EPG5: variants seen among roughly 807,000 people sequenced by gnomAD.
EPG5 encodes ectopic P granules protein 5 homolog.
A neutral mutation model predicts 302.7 loss-of-function variants in EPG5; 159 were observed. The ratio of observed to expected loss-of-function variants is 0.53; its 90% CI spans 0.46 to 0.60. EPG5 has a LOEUF of 0.60. Ranked by LOEUF, EPG5 falls within the 20% of genes least tolerant of loss-of-function variation. The pLI, the probability that EPG5 is intolerant of heterozygous loss-of-function variation, is 0.00. For synonymous variants in EPG5, 1,158 were observed against 1,136.8 expected (o/e 1.02, Z -0.37); for missense variants, 2,896 against 3,092.4 (o/e 0.94, Z 1.51).
In EPG5 at chr18:45,901,157, C is replaced by T. The variant is rs768286664; in HGVS notation, c.4485G>A (p.Arg1495=). The T allele has an allele frequency of 1.2e-6, 2 of 1,613,954 alleles. No individual in the cohort carries two copies. Among genetic ancestry groups the T allele is most frequent in the Non-Finnish European group, 8.5e-7 (1 of 1,179,972 alleles). ...DFTDPLLAKE[R]VLSNLRKHEA... Reference sequence around the variant, plus strand: ...CATGCTTCCGCAAGTTACTTAAAACCCTTTCTTTAGCTGAAAGAAAATTAA... The same window carrying T: ...CATGCTTCCGCAAGTTACTTAAAACTCTTTCTTTAGCTGAAAGAAAATTAA... The change falls in exon 26 of 44, where the codon AGG becomes AGA. Residue 1495 remains arginine, a synonymous_variant. Coordinates refer to ENST00000282041, the MANE Select transcript of EPG5 (RefSeq NM_020964.3).
intron 13 of EPG5, 93 bp downstream of exon 13, chr18:45,928,776 A>C: frequency 8.0e-7 from 1 of 1,255,870 alleles, no homozygotes; most frequent in South Asian, 1.4e-5. Context: ...ACCCCTAGTG[A>C]CAAGATCATT....
At chr18:45,915,895 A>G (rs1380781632) in intron 19 of EPG5, 114 bp downstream of exon 19, 17 of 985,208 alleles carry the variant, frequency 1.7e-5, no homozygotes, top group Non-Finnish European at 2.5e-5. Context: ...GGCAAAGCTT[A>G]AAGAAGGTAA....
At chr18:45,846,591 T>C (rs1241338452), downstream of EPG5, among the ~76,000 whole-genome samples, 1 of 142,870 alleles carries the variant, frequency 7.0e-6, no homozygotes, top group African/African-American at 2.6e-5. Flanking sequence ...ACTGGAATTA[T>C]ACTCATTTTA....
the EPG5 span, chr18:45,842,278 G>A: frequency 7.0e-7 from 1 of 1,437,842 alleles, no homozygotes; most frequent in South Asian, 1.2e-5. Flanking sequence ...CTGGTTCTCG[G>A]GCACCTTGGC....
chr18:45,953,645 A>T, intron 2 of EPG5: 1 of 985,298 alleles, frequency 1.0e-6, no homozygotes, highest in Non-Finnish European at 1.2e-6. Context: ...GGTCTTCTCC[A>T]TCCCCTCTCA....
At chr18:45,914,973 A>T (rs924394041) in intron 20 of EPG5, among the ~76,000 whole-genome samples, 4 of 142,200 alleles carry the variant, frequency 2.8e-5, no homozygotes, top group Admixed American at 2.1e-4. Flanking sequence ...TTTAATTTAA[A>T]AAAAAAAAAA....
chr18:45,886,953 G>C (rs115039531), intron 29 of EPG5, among the ~76,000 whole-genome samples: 5,705 of 151,820 alleles, frequency 0.038, 318 homozygotes, highest in African/African-American at 0.13. Context: ...CCACCCCACC[G>C]GACCAGCACA....
chr18:45,880,111 A>G lies in EPG5; in HGVS notation c.5631T>C (p.Leu1877=), dbSNP rs376297358. The change falls in exon 32 of 44, where the codon CTT becomes CTC. Residue 1877 remains leucine (L), a synonymous_variant. Coordinates refer to ENST00000282041, the MANE Select transcript of EPG5 (RefSeq NM_020964.3). ...ACAAGAGAGCATCAGAAGAGCTGGG[A>G]AGCACGGCGCCCTCGGTGGACGCTG... The part of the protein sequence containing the change: ...QGAASTEGAV[L]PSSSDALLSD... 2.5e-4 allele frequency: 402 copies of G among 1,610,148 alleles called. 1 individual carries two copies. The highest frequency in any genetic ancestry group is 3.3e-4 in the Middle Eastern group (2 of 6,060).
intron 27 of EPG5, among the ~76,000 whole-genome samples, chr18:45,894,417 C>T (rs1306455366): frequency 6.6e-6 from 1 of 151,876 alleles, no homozygotes; most frequent in Non-Finnish European, 1.5e-5. Context: ...TGCCACTGCA[C>T]TCTAGCATGG....
chr18:45,931,188 TGC>T (rs2050388388), intron 11 of EPG5, among the ~76,000 whole-genome samples: 1 of 152,210 alleles, frequency 6.6e-6, no homozygotes, highest in Non-Finnish European at 1.5e-5. Flanking sequence ...AAGGCAGTAC[TGC>T]CAACTTCAAA....
chr18:45,905,648 A>C (rs550551624), intron 24 of EPG5, among the ~76,000 whole-genome samples: 2 of 152,350 alleles, frequency 1.3e-5, no homozygotes, highest in East Asian at 3.9e-4. Context: ...ACATCTTATA[A>C]ACCATAAAAA....
At chr18:45,831,671 G>A in the EPG5 span, among the ~76,000 whole-genome samples, 4 of 152,066 alleles carry the variant, frequency 2.6e-5, no homozygotes, top group African/African-American at 7.2e-5. Flanking sequence ...GACAAGGATT[G>A]GGCAATTATA....
intron 36 of EPG5, 97 bp from the exon 37 acceptor site, chr18:45,867,845 C>A: frequency 9.4e-7 from 1 of 1,062,310 alleles, no homozygotes; most frequent in Non-Finnish European, 1.4e-6. Context: ...TTTTAAAAAA[C>A]ACTTTTTCCC....
chr18:45,815,984 CA>C, the EPG5 span, among the ~76,000 whole-genome samples: 20 of 152,182 alleles, frequency 1.3e-4, no homozygotes, highest in African/African-American at 4.6e-4. Flanking sequence ...GAAATAAAGC[CA>C]AATACTTACA....
chr18:45,914,165 C>A (rs937070036), intron 20 of EPG5, among the ~76,000 whole-genome samples: 1 of 152,156 alleles, frequency 6.6e-6, no homozygotes, highest in African/African-American at 2.4e-5. Flanking sequence ...CTTCCATCTA[C>A]TGGAGTAGAC....
chr18:45,901,227 G>T, intron 25 of EPG5, 60 bp from the exon 26 acceptor site: 3 of 1,439,902 alleles, frequency 2.1e-6, no homozygotes, highest in Non-Finnish European at 2.9e-6. Flanking sequence ...GAGAACAGAA[G>T]CATGTGGTAC....
intron 25 of EPG5, 60 bp downstream of exon 25, chr18:45,903,913 A>G (rs746651183): frequency 3.7e-5 from 56 of 1,515,862 alleles, no homozygotes; most frequent in Non-Finnish European, 4.7e-5. Context: ...TCAACCCTCA[A>G]TGGCTCTGAT....
At chr18:45,806,519 A>C in the EPG5 span, among the ~76,000 whole-genome samples, 1 of 152,208 alleles carries the variant, frequency 6.6e-6, no homozygotes, top group South Asian at 2.1e-4. Flanking sequence ...GTGAGTGCCC[A>C]AACTGTACAA....
At chr18:45,867,149 G>A (rs760982563) in intron 37 of EPG5, 142 bp from the exon 38 acceptor site, 21 of 646,100 alleles carry the variant, frequency 3.3e-5, no homozygotes, top group Non-Finnish European at 5.3e-5. Flanking sequence ...GTATCTACTC[G>A]AGTTAGGAGT....
Sources: gnomAD v4.1 joint callset for allele counts (sites outside exome capture counted in the v4.1 genomes callset) on GRCh38, gnomAD v4.1.1 for gene constraint, MANE v1.5 for transcripts, NCBI Gene and HGNC (gene_info 2026-07-23, HGNC 2026-07-21) for gene names.